CSMD1: variants seen among roughly 807,000 people sequenced by gnomAD.
CSMD1 encodes the protein CUB and sushi domain-containing protein 1.
CSMD1 carries 213 observed loss-of-function variants against 417.5 expected under a neutral mutation model. That is an observed-to-expected ratio of 0.51 (90% CI 0.46 to 0.57). The LOEUF (loss-of-function observed/expected upper bound fraction) is 0.57. Ranked by LOEUF, CSMD1 falls within the 20% of genes least tolerant of loss-of-function variation. The pLI, the probability that CSMD1 is intolerant of heterozygous loss-of-function variation, is 0.00. For synonymous variants in CSMD1, 2,862 were observed against 1,736.8 expected, an observed-to-expected ratio of 1.65 and a Z score of -16.11; for missense variants, 6,923 against 4,529.7, an observed-to-expected ratio of 1.53 and a Z score of -15.17.
At chr8:4,204,350 T>C (rs2131265695) in intron 3 of CSMD1, among the ~76,000 whole-genome samples, 1 of 152,308 alleles carries the variant, frequency 6.6e-6, no homozygotes, top group East Asian at 1.9e-4. Context: ...TTTCCACTTC[T>C]AGGTGAGCAA....
intron 1 of CSMD1, among the ~76,000 whole-genome samples, chr8:4,692,434 G>C (rs1453887778): frequency 1.3e-5 from 2 of 152,202 alleles, no homozygotes; most frequent in African/African-American, 4.8e-5. Context: ...TTTTTAAAGA[G>C]TAGACCGTCC....
At chr8:3,034,025 G>A (rs1163016653) in intron 50 of CSMD1, among the ~76,000 whole-genome samples, 5 of 152,174 alleles carry the variant, frequency 3.3e-5, no homozygotes, top group Admixed American at 2.0e-4. Flanking sequence ...GGCTCCTCCA[G>A]CTGCCTCCCC....
At chr8:3,994,278 G>C (rs897737977) in intron 5 of CSMD1, among the ~76,000 whole-genome samples, 52 of 152,138 alleles carry the variant, frequency 3.4e-4, no homozygotes, top group African/African-American at 1.2e-3. Flanking sequence ...TTTAAAGGGA[G>C]TAAATGCTCC....
chr8:4,038,087 G>T (rs940081236), intron 3 of CSMD1, among the ~76,000 whole-genome samples: 1 of 152,014 alleles, frequency 6.6e-6, no homozygotes, highest in South Asian at 2.1e-4. Context: ...AAATAACTCA[G>T]CAAATGGGAA....
intron 3 of CSMD1, among the ~76,000 whole-genome samples, chr8:4,141,467 T>G (rs1484102434): frequency 6.6e-6 from 1 of 151,178 alleles, no homozygotes; most frequent in African/African-American, 2.5e-5. Flanking sequence ...ACACTGCTTT[T>G]GTATACAATA....
chr8:3,085,233 T>A (rs767313488), intron 49 of CSMD1, among the ~76,000 whole-genome samples: 84 of 152,204 alleles, frequency 5.5e-4, no homozygotes, highest in Admixed American at 1.1e-3. Flanking sequence ...GTAGTTCAAC[T>A]GGATTGTTTT....
At chr8:4,507,717 T>G (rs952947252) in intron 2 of CSMD1, among the ~76,000 whole-genome samples, 2 of 152,142 alleles carry the variant, frequency 1.3e-5, no homozygotes, top group East Asian at 3.9e-4. Flanking sequence ...GAAAATGACA[T>G]TTTCAAGCTA....
intron 3 of CSMD1, among the ~76,000 whole-genome samples, chr8:4,390,681 T>C (rs1206719172): frequency 6.6e-6 from 1 of 151,218 alleles, no homozygotes; most frequent in Non-Finnish European, 1.5e-5. Flanking sequence ...GCCCGGCTAA[T>C]TTTTTGTATT....
chr8:4,920,325 C>A (rs955983496), intron 1 of CSMD1, among the ~76,000 whole-genome samples: 6 of 152,092 alleles, frequency 3.9e-5, no homozygotes, highest in Admixed American at 2.0e-4. Context: ...TGAGTCTACA[C>A]ATAGGAAAAT....
intron 2 of CSMD1, among the ~76,000 whole-genome samples, chr8:4,548,588 A>AATATG (rs1797732524): frequency 6.6e-6 from 1 of 152,208 alleles, no homozygotes; most frequent in African/African-American, 2.4e-5. Context: ...TATATAATTA[A>AATATG]ATATGATTTG....
intron 7 of CSMD1, among the ~76,000 whole-genome samples, chr8:3,683,495 G>C (rs1799777405): frequency 6.6e-6 from 1 of 152,150 alleles, no homozygotes; most frequent in Admixed American, 6.5e-5. Flanking sequence ...GTACCTGTCA[G>C]CCCTCCTCTC....
intron 54 of CSMD1, among the ~76,000 whole-genome samples, chr8:2,996,046 T>C (rs987305333): frequency 2.6e-5 from 4 of 152,068 alleles, no homozygotes; most frequent in African/African-American, 9.6e-5. Flanking sequence ...TGGGTGAGAG[T>C]GGGTAGGGGA....
chr8:3,203,701 A>G (rs559762637), intron 31 of CSMD1, among the ~76,000 whole-genome samples: 107 of 152,322 alleles, frequency 7.0e-4, no homozygotes, highest in African/African-American at 2.5e-3. Flanking sequence ...TGCTCCATAA[A>G]TAACAGGAGT....
At chr8:3,536,130 G>C (rs780755976) in intron 10 of CSMD1, among the ~76,000 whole-genome samples, 14 of 152,170 alleles carry the variant, frequency 9.2e-5, no homozygotes, top group Admixed American at 6.5e-5. Context: ...ACCAAGCTGT[G>C]ATATCCGGAT....
intron 3 of CSMD1, among the ~76,000 whole-genome samples, chr8:4,189,410 G>A (rs563908439): frequency 1.3e-5 from 2 of 152,106 alleles, no homozygotes; most frequent in African/African-American, 2.4e-5. Flanking sequence ...GTTTGCCTTT[G>A]TTATTAGAAA....
rs562029482 is a variant in CSMD1 at position 3,266,866 on chromosome 8, A to G, written c.4153+17278T>C. Among the ~76,000 whole-genome samples the G allele has an allele frequency of 2.0e-5, 3 of 152,190 alleles. No homozygotes were observed. The South Asian group carries it at 6.2e-4, about 31-fold the overall frequency. ...TGACAGTGACAAGAGCAGTAATCAC[A>G]GAGTGATGAGTGTAGAAACACAAAA... On this transcript the variant is annotated intron_variant, in intron 26 of 69. Transcript: ENST00000635120.
intron 5 of CSMD1, among the ~76,000 whole-genome samples, chr8:3,871,573 T>A (rs142613472): frequency 6.6e-6 from 1 of 152,218 alleles, no homozygotes; most frequent in Non-Finnish European, 1.5e-5. Context: ...TATTGATTCA[T>A]AATTTTTATA....
Position 3,617,937 on chromosome 8 carries a change from A to T in CSMD1, c.1010-1140T>A, listed in dbSNP as rs139871051. ...AGAAGAAAATAATATGTCTGGGTAT[A>T]TGTGGAACTCGTGAAGCATTTGATT... On this transcript the variant is annotated intron_variant, in intron 7 of 69. Transcript: ENST00000635120. 7.9e-5 allele frequency among the ~76,000 whole-genome samples: 12 copies of T among 152,342 alleles called. No individual in the cohort carries two copies. In the East Asian group the frequency reaches 2.3e-3, roughly 29 times the overall value.
At chr8:4,645,820 T>C (rs1803484992) in intron 1 of CSMD1, among the ~76,000 whole-genome samples, 1 of 152,124 alleles carries the variant, frequency 6.6e-6, no homozygotes, top group Non-Finnish European at 1.5e-5. Context: ...CCGGGACACA[T>C]CATTCTTCAC....
Sources: allele counts gnomAD v4.1 joint callset (sites outside exome capture counted in the v4.1 genomes callset), GRCh38; gene constraint gnomAD v4.1.1; transcripts MANE v1.5; gene names NCBI Gene and HGNC (gene_info 2026-07-23, HGNC 2026-07-21).